The following CNTLN variants were observed in gnomAD, a reference collection of about 807,000 sequenced individuals.
CNTLN encodes centlein, centrosomal protein.
A neutral mutation model predicts 180.0 loss-of-function variants in CNTLN; 212 were observed. The observed-to-expected ratio is 1.18, with a 90% CI of 1.05 to 1.32. CNTLN has a LOEUF of 1.32. Ranked by LOEUF, CNTLN falls within the 40% of genes most tolerant of loss-of-function variation. The probability of loss-of-function intolerance (pLI) is 0.00; values close to 1 mark genes in which losing one functional copy is unlikely to be tolerated. For missense variants in CNTLN, 2,095 were observed against 1,610.9 expected, an observed-to-expected ratio of 1.30 and a Z score of -5.14; for synonymous variants, 722 against 563.1, an observed-to-expected ratio of 1.28 and a Z score of -3.99.
intron 16 of CNTLN, among the ~76,000 whole-genome samples, chr9:17,411,461 T>G (rs1827837823): frequency 6.6e-6 from 1 of 152,146 alleles, no homozygotes; most frequent in Non-Finnish European, 1.5e-5. Flanking sequence ...CCTCCTCCTA[T>G]CAGGGTGATG....
chr9:17,161,964 T>G (rs150903653), intron 2 of CNTLN, among the ~76,000 whole-genome samples: 1,680 of 152,296 alleles, frequency 0.011, 33 homozygotes, highest in African/African-American at 0.038. Flanking sequence ...TTCTTTTCCA[T>G]CAATAGTTAT....
intron 8 of CNTLN, among the ~76,000 whole-genome samples, chr9:17,316,297 A>G (rs1391227003): frequency 1.3e-5 from 2 of 151,932 alleles, no homozygotes; most frequent in Non-Finnish European, 2.9e-5. Context: ...ATCGTTTTCC[A>G]TACTTTTACA....
At chr9:17,438,773 G>A (rs1829936089) in intron 18 of CNTLN, among the ~76,000 whole-genome samples, 2 of 152,136 alleles carry the variant, frequency 1.3e-5, no homozygotes, top group Non-Finnish European at 1.5e-5. Context: ...TATGTAGATG[G>A]CATTTAAAAA....
chr9:17,217,756 A>G (rs551237278), intron 2 of CNTLN, among the ~76,000 whole-genome samples: 1 of 152,326 alleles, frequency 6.6e-6, no homozygotes, highest in Admixed American at 6.5e-5. Context: ...TACATAATAA[A>G]TGTTGAGTAT....
chr9:17,477,124 A>G (rs1012632587), intron 23 of CNTLN, among the ~76,000 whole-genome samples: 2 of 152,166 alleles, frequency 1.3e-5, no homozygotes, highest in Non-Finnish European at 2.9e-5. Flanking sequence ...CTAAATGACA[A>G]CACATGTATT....
At position 17,237,173 on chromosome 9, in the gene CNTLN, C is replaced by A. The variant is rs529062525; in HGVS notation, c.849+585C>A. Among the ~76,000 whole-genome samples, 437 of 151,968 alleles carry A rather than the reference C, an allele frequency of 2.9e-3. 3 individuals carry two copies. Among genetic ancestry groups the A allele is most frequent in the African/African-American group, 0.01 (416 of 41,490 alleles). ...AATCAAGTGAGGCAGTGGTTTCTTA[C>A]AATTTTATTAGTATTTTTCAAAATA... On this transcript the variant is annotated intron_variant, in intron 5 of 25. Transcript: ENST00000380647.
At chr9:17,224,161 C>T (rs1587235347) in intron 2 of CNTLN, among the ~76,000 whole-genome samples, 1 of 152,112 alleles carries the variant, frequency 6.6e-6, no homozygotes, top group East Asian at 1.9e-4. Context: ...AATTTATTGT[C>T]CTTATTATAC....
At chr9:17,246,598 G>A (rs763786246) in intron 5 of CNTLN, among the ~76,000 whole-genome samples, 5 of 152,162 alleles carry the variant, frequency 3.3e-5, no homozygotes, top group South Asian at 4.1e-4. Flanking sequence ...TCAGCAATTC[G>A]TTAATCCAGC....
Position 17,395,058 on chromosome 9 carries a change from G to A in CNTLN, c.2604G>A (p.Val868=), listed in dbSNP as rs1826411726. The change falls in exon 15 of 26, where the codon GTG becomes GTA. Residue 868 remains valine, a synonymous_variant. Transcript: ENST00000380647. ...TCAGCAAGGACGGCTGGGAGGATGTGAGTGAAAGCAGGTAAGGCTCTCATT... is the reference window on the plus strand; with the variant it reads ...TCAGCAAGGACGGCTGGGAGGATGTAAGTGAAAGCAGGTAAGGCTCTCATT... ...ENLSKDGWED[V]SESSSDSEAQ... is the part of the protein sequence containing the mutation. 1 of 1,606,722 alleles carries A rather than the reference G, an allele frequency of 6.2e-7. No individual in the cohort carries two copies. Among genetic ancestry groups the A allele is most frequent in the East Asian group, 2.2e-5 (1 of 44,746 alleles).
At chr9:17,353,479 A>G (rs1008405764) in intron 12 of CNTLN, among the ~76,000 whole-genome samples, 243 of 151,144 alleles carry the variant, frequency 1.6e-3, no homozygotes, top group African/African-American at 5.5e-3. Flanking sequence ...TGCTGACCAT[A>G]TTTGCATGTG....
intron 5 of CNTLN, among the ~76,000 whole-genome samples, chr9:17,254,156 C>A (rs1449411786): frequency 1.3e-5 from 2 of 151,488 alleles, no homozygotes; most frequent in African/African-American, 4.8e-5. Context: ...ATGATGTTGA[C>A]CATCTTTTCA....
At chr9:17,210,677 T>C (rs887113165) in intron 2 of CNTLN, among the ~76,000 whole-genome samples, 12 of 152,192 alleles carry the variant, frequency 7.9e-5, no homozygotes, top group South Asian at 2.1e-4. Context: ...GTCCCACCAA[T>C]AGTGTAAAAA....
intron 2 of CNTLN, among the ~76,000 whole-genome samples, chr9:17,166,170 G>C (rs760420344): frequency 6.6e-6 from 1 of 152,028 alleles, no homozygotes; most frequent in Non-Finnish European, 1.5e-5. Context: ...AGACATGTAA[G>C]GGAAAATTTG....
At chr9:17,445,892 A>G (rs1041614595) in intron 18 of CNTLN, among the ~76,000 whole-genome samples, 3 of 152,092 alleles carry the variant, frequency 2.0e-5, no homozygotes, top group Non-Finnish European at 2.9e-5. Flanking sequence ...ATGTCCCGGT[A>G]TAAAACCCGA....
At chr9:17,394,480 A>C in intron 14 of CNTLN, 54 bp from the exon 15 acceptor site, 1 of 1,175,348 alleles carries the variant, frequency 8.5e-7, no homozygotes, top group South Asian at 1.7e-5. Flanking sequence ...ATGGTAATAA[A>C]GTATAGTAGA....
intron 18 of CNTLN, chr9:17,447,418 G>A (rs1830507657): frequency 1.2e-5 from 2 of 169,998 alleles, no homozygotes; most frequent in African/African-American, 4.8e-5. Context: ...CTTTAAACGT[G>A]TTGGCGTACA....
intron 16 of CNTLN, among the ~76,000 whole-genome samples, chr9:17,415,212 A>G (rs928645983): frequency 1.3e-5 from 2 of 152,218 alleles, no homozygotes; most frequent in Admixed American, 6.5e-5. Context: ...GTGTATTAGA[A>G]TGCCATGAGG....
chr9:17,237,265 AT>A (rs200110806), intron 5 of CNTLN, among the ~76,000 whole-genome samples: 14 of 127,424 alleles, frequency 1.1e-4, no homozygotes, highest in African/African-American at 1.5e-4. Flanking sequence ...ATTAAATTAC[AT>A]TTTTTTTTAA....
intron 12 of CNTLN, among the ~76,000 whole-genome samples, chr9:17,356,969 G>A (rs1822898614): frequency 6.6e-6 from 1 of 152,000 alleles, no homozygotes; most frequent in Non-Finnish European, 1.5e-5. Context: ...CTGTAGGTGA[G>A]AATGTATTAT....
Sources: allele counts gnomAD v4.1 joint callset (sites outside exome capture counted in the v4.1 genomes callset), GRCh38; gene constraint gnomAD v4.1.1; transcripts MANE v1.5; gene names NCBI Gene and HGNC (gene_info 2026-07-23, HGNC 2026-07-21).